The following EGLN1 variants were observed in gnomAD, a reference collection of about 807,000 sequenced individuals.
The protein encoded by EGLN1 is egl nine homolog 1.
EGLN1 carries 17 observed loss-of-function variants against 38.3 expected under a neutral mutation model. The ratio of observed to expected loss-of-function variants is 0.44; its 90% CI spans 0.30 to 0.67. The LOEUF is 0.67. Among genes scored for constraint, EGLN1 ranks in the 30% least tolerant of loss-of-function variants. EGLN1 has a pLI of 0.08. For synonymous variants in EGLN1, 283 were observed against 257.5 expected, an observed-to-expected ratio of 1.10 and a Z score of -0.95; for missense variants, 477 against 603.3, an observed-to-expected ratio of 0.79 and a Z score of 2.19.
chr1:231,386,520 ATTTG>A (rs1170128370), intron 1 of EGLN1, among the ~76,000 whole-genome samples: 2 of 151,672 alleles, frequency 1.3e-5, no homozygotes, highest in Non-Finnish European at 2.9e-5. Context: ...GTTTAATGTT[ATTTG>A]TTTTTTCACA....
chr1:231,379,060 G>A (rs2739514), intron 1 of EGLN1, among the ~76,000 whole-genome samples: 94,217 of 152,000 alleles, frequency 0.62, 29,322 homozygotes, highest in Non-Finnish European at 0.65. Context: ...AAACTAAACT[G>A]GAGTGAAAAG....
chr1:231,391,233 G>T (rs1004598973), intron 1 of EGLN1, among the ~76,000 whole-genome samples: 11 of 89,608 alleles, frequency 1.2e-4, no homozygotes, highest in African/African-American at 3.2e-4. Context: ...TTACAGGTGT[G>T]AGCCACCATG....
chr1:231,391,092 TTG>T lies in EGLN1; in HGVS notation c.892-16995_892-16994del, dbSNP rs763284659. On this transcript the variant is annotated intron_variant, in intron 1 of 4. Transcript: ENST00000366641. ...ACAGGGAACTCATTCTGTTTTTTTT[TTG>T]TGTGTGTGTGTGTGTGTGTGTGTGT... 4.6e-3 allele frequency among the ~76,000 whole-genome samples: 311 copies of T among 67,312 alleles called. 18 individuals carry two copies. Among genetic ancestry groups the T allele is most frequent in the Middle Eastern group, 0.029 (3 of 104 alleles). 44.2% of individuals were successfully genotyped at this position (67,312 alleles called of 152,430 possible). A position where few individuals can be genotyped will look rare whatever the true frequency, so the allele number is the denominator to read the frequency against.
At chr1:231,416,421 A>G (rs2102942054) in intron 1 of EGLN1, among the ~76,000 whole-genome samples, 1 of 150,310 alleles carries the variant, frequency 6.7e-6, no homozygotes, top group African/African-American at 2.5e-5. Flanking sequence ...AGAGTTACAT[A>G]CATACAAAAA....
chr1:231,412,011 CAAAAAAAAAAAAAAAAAAAAA>C (rs747472895), intron 1 of EGLN1, among the ~76,000 whole-genome samples: 963 of 33,636 alleles, frequency 0.029, 11 homozygotes, highest in Middle Eastern at 0.079. Flanking sequence ...GACTCCATCT[CAAAAAAAAAAAAAAAAAAAAA>C]AAAAAAAAAA....
At chr1:231,387,019 G>C (rs529834973) in intron 1 of EGLN1, among the ~76,000 whole-genome samples, 1 of 151,844 alleles carries the variant, frequency 6.6e-6, no homozygotes, top group African/African-American at 2.4e-5. Flanking sequence ...ATCACACCCA[G>C]CTAATTTTTT....
intron 1 of EGLN1, among the ~76,000 whole-genome samples, chr1:231,419,256 T>C (rs1656472396): frequency 6.6e-6 from 1 of 152,218 alleles, no homozygotes; most frequent in Non-Finnish European, 1.5e-5. Flanking sequence ...ACCTATTTCC[T>C]AATAGCATCT....
chr1:231,380,248 G>A (rs1438180253), intron 1 of EGLN1, among the ~76,000 whole-genome samples: 1 of 150,904 alleles, frequency 6.6e-6, no homozygotes, highest in African/African-American at 2.4e-5. Context: ...CCCGGGAGGC[G>A]GAGCTTGCAG....
intron 1 of EGLN1, among the ~76,000 whole-genome samples, chr1:231,413,070 T>C (rs2102938749): frequency 6.6e-6 from 1 of 152,268 alleles, no homozygotes; most frequent in South Asian, 2.1e-4. Context: ...AGTGGTTTCC[T>C]TGCTGTTTTC....
intron 1 of EGLN1, among the ~76,000 whole-genome samples, chr1:231,383,055 C>T (rs898156334): frequency 2.6e-4 from 12 of 45,288 alleles, no homozygotes; most frequent in African/African-American, 1.0e-3. Context: ...GAAACTCTGT[C>T]TCAAAAAAAA....
At chr1:231,367,455 A>C (rs1687679762) in intron 4 of EGLN1, 114 bp downstream of exon 4, 3 of 1,093,660 alleles carry the variant, frequency 2.7e-6, no homozygotes, top group Admixed American at 3.5e-5. Context: ...CTGATAAAAA[A>C]CAAAAAGTAA....
intron 2 of EGLN1, among the ~76,000 whole-genome samples, chr1:231,371,462 T>C (rs537112528): frequency 6.6e-6 from 1 of 152,288 alleles, no homozygotes; most frequent in Admixed American, 6.5e-5. Context: ...ATTCAGTATA[T>C]CAGTAGAAAG....
Position 231,391,092 on chromosome 1 carries a change from T to TTGTGTGTG in EGLN1, c.892-17001_892-16994dup, listed in dbSNP as rs763284659. 1.6e-3 allele frequency among the ~76,000 whole-genome samples: 109 copies of TTGTGTGTG among 67,360 alleles called. 3 individuals are homozygous for TTGTGTGTG. The highest frequency in any genetic ancestry group is 4.3e-3 in the African/African-American group (91 of 21,058). The allele number at this position is 67,360 out of a possible 152,430, so 44.2% of individuals were successfully genotyped here. On this transcript the variant is annotated intron_variant, in intron 1 of 4. Transcript: ENST00000366641. ...ACAGGGAACTCATTCTGTTTTTTTT[T>TTGTGTGTG]TGTGTGTGTGTGTGTGTGTGTGTGT...
chr1:231,369,106 ACTT>A (rs920951154), intron 3 of EGLN1, among the ~76,000 whole-genome samples: 22 of 152,120 alleles, frequency 1.4e-4, no homozygotes, highest in Admixed American at 1.4e-3. Context: ...ATAGGATTCT[ACTT>A]CAAGAATCCT....
chr1:231,387,825 C>T (rs1688259596), intron 1 of EGLN1, among the ~76,000 whole-genome samples: 1 of 152,190 alleles, frequency 6.6e-6, no homozygotes. Context: ...TCCAATCTCT[C>T]TCTCAAATGC....
intron 1 of EGLN1, among the ~76,000 whole-genome samples, chr1:231,380,980 C>T (rs1007538079): frequency 6.6e-6 from 1 of 152,096 alleles, no homozygotes; most frequent in African/African-American, 2.4e-5. Flanking sequence ...AGTGCAGTGG[C>T]GTGATCATGG....
chr1:231,405,195 C>T (rs370462757), intron 1 of EGLN1, among the ~76,000 whole-genome samples: 18 of 151,982 alleles, frequency 1.2e-4, no homozygotes, highest in African/African-American at 2.9e-4. Flanking sequence ...TTTTTTGAGA[C>T]GGAGTCTTGT....
rs747472895 is a variant in EGLN1 at position 231,412,011 on chromosome 1, CAAAAAAAAAAAAAAAAAAAAAAAA to C, written c.891+8963_891+8986del. ...TGGGTGACAGAGTGAGACTCCATCTCAAAAAAAAAAAAAAAAAAAAAAAAAAAAAAAAAAAAAAGGCCTGGATAG... is the reference window on the plus strand; with the variant it reads ...TGGGTGACAGAGTGAGACTCCATCTCAAAAAAAAAAAAAAGGCCTGGATAG... On this transcript the variant is annotated intron_variant, in intron 1 of 4. Coordinates refer to ENST00000366641, the MANE Select transcript of EGLN1 (RefSeq NM_022051.3). Among the ~76,000 whole-genome samples the C allele has an allele frequency of 3.0e-4, 10 of 33,668 alleles. No homozygotes were observed. In the South Asian group the frequency reaches 9.9e-3, roughly 33 times the overall value. The allele number at this position is 33,668 out of a possible 152,430, so 22.1% of individuals were successfully genotyped here. A position where few individuals can be genotyped will look rare whatever the true frequency, so the allele number is the denominator to read the frequency against.
At chr1:231,378,157 T>C (rs1023678301) in intron 1 of EGLN1, among the ~76,000 whole-genome samples, 1 of 152,162 alleles carries the variant, frequency 6.6e-6, no homozygotes, top group Non-Finnish European at 1.5e-5. Context: ...AGGGCCTGCA[T>C]GGATCTGCCA....
Sources: allele counts gnomAD v4.1 joint callset (sites outside exome capture counted in the v4.1 genomes callset), GRCh38; gene constraint gnomAD v4.1.1; transcripts MANE v1.5; gene names NCBI Gene and HGNC (gene_info 2026-07-23, HGNC 2026-07-21).